Variants in ZNF292 observed in about 807,000 individuals in gnomAD.
ZNF292 encodes 16 zinc-finger domain protein.
ZNF292 carries 26 observed loss-of-function variants against 217.9 expected under a neutral mutation model. The observed-to-expected ratio is 0.12, with a 90% CI of 0.09 to 0.17. The LOEUF (loss-of-function observed/expected upper bound fraction) is 0.17. Among genes scored for constraint, ZNF292 ranks in the 10% least tolerant of loss-of-function variants. The pLI is 1.00. For missense variants in ZNF292, 2,904 were observed against 3,175.2 expected, an observed-to-expected ratio of 0.91 and a Z score of 2.05; for synonymous variants, 1,257 against 1,124.1, an observed-to-expected ratio of 1.12 and a Z score of -2.37.
At chr6:87,192,250 T>C (rs557221145) in intron 1 of ZNF292, among the ~76,000 whole-genome samples, 16 of 152,320 alleles carry the variant, frequency 1.1e-4, no homozygotes, top group African/African-American at 3.1e-4. Flanking sequence ...GAAATTTTGC[T>C]GTATGTAAGA....
At chr6:87,184,671 T>C (rs1771584663) in intron 1 of ZNF292, among the ~76,000 whole-genome samples, 1 of 152,156 alleles carries the variant, frequency 6.6e-6, no homozygotes, top group Non-Finnish European at 1.5e-5. Flanking sequence ...TTCTGGTGGC[T>C]GAGGAGTTCC....
intron 1 of ZNF292, among the ~76,000 whole-genome samples, chr6:87,209,720 ATATCT>A (rs1397060125): frequency 2.6e-5 from 4 of 152,220 alleles, no homozygotes; most frequent in African/African-American, 7.2e-5. Flanking sequence ...TTTATTAAAA[ATATCT>A]TATTTATGGT....
intron 4 of ZNF292, among the ~76,000 whole-genome samples, chr6:87,232,535 T>C (rs1773706608): frequency 6.6e-6 from 1 of 152,048 alleles, no homozygotes; most frequent in Non-Finnish European, 1.5e-5. Context: ...AAACTTAAAC[T>C]TGTTAAAACT....
chr6:87,211,619 A>C (rs557301855), intron 1 of ZNF292, among the ~76,000 whole-genome samples: 190 of 152,332 alleles, frequency 1.2e-3, no homozygotes, highest in African/African-American at 4.3e-3. Context: ...TAGGTAGTAC[A>C]TGTAAAGCTC....
intron 1 of ZNF292, 74 bp from the exon 2 acceptor site, chr6:87,215,829 G>T: frequency 2.4e-6 from 3 of 1,246,876 alleles, no homozygotes; most frequent in South Asian, 1.8e-5. Context: ...AATTTTTCAG[G>T]AAAAAACAGC....
Position 87,203,483 on chromosome 6 carries a change from C to T in ZNF292, c.169-12420C>T, listed in dbSNP as rs922957269. ...AATTATCCTCACGTTTCTAGGATAACACCTACTAGGCCCAAAATACATTTA... is the reference window on the plus strand; with the variant it reads ...AATTATCCTCACGTTTCTAGGATAATACCTACTAGGCCCAAAATACATTTA... On this transcript the variant is annotated intron_variant, in intron 1 of 7. Transcript: ENST00000369577. 1.1e-4 allele frequency among the ~76,000 whole-genome samples: 17 copies of T among 152,092 alleles called. 1 individual carries two copies. The highest frequency in any genetic ancestry group is 4.2e-4 in the South Asian group (2 of 4,816).
At chr6:87,174,086 C>A in intron 1 of ZNF292, 1 of 195,978 alleles carries the variant, frequency 5.1e-6, no homozygotes. Context: ...CTAAAAGGCT[C>A]TCAGAATAGT....
At position 87,256,965 on chromosome 6, in the gene ZNF292, A is replaced by G. The variant is rs1247209449; in HGVS notation, c.3336A>G (p.Ser1112=). 1.1e-5 allele frequency: 17 copies of G among 1,613,776 alleles called. No individual in the cohort carries two copies. Among genetic ancestry groups the G allele is most frequent in the Non-Finnish European group, 1.4e-5 (17 of 1,179,832 alleles). Residue 1112 remains serine, a synonymous_variant, in exon 8 of 8, where the codon TCA becomes TCG. Coordinates refer to ENST00000369577, the MANE Select transcript of ZNF292 (RefSeq NM_015021.3). ...GATGTACTCGAACCTATAATTCTTC[A>G]CAGAGTATTGGGAAACACATGAAGA... ...VEGCTRTYNS[S]QSIGKHMKTA...
At chr6:87,201,283 A>G (rs116992405) in intron 1 of ZNF292, among the ~76,000 whole-genome samples, 243 of 152,202 alleles carry the variant, frequency 1.6e-3, no homozygotes, top group Non-Finnish European at 3.0e-3. Flanking sequence ...TTTTAATTCT[A>G]TTGTATCTGC....
At chr6:87,181,770 C>T (rs1197599476) in intron 1 of ZNF292, among the ~76,000 whole-genome samples, 1 of 152,116 alleles carries the variant, frequency 6.6e-6, no homozygotes, top group African/African-American at 2.4e-5. Context: ...CAACCTCCGC[C>T]TCCTGGGTTC....
intron 1 of ZNF292, among the ~76,000 whole-genome samples, chr6:87,179,228 C>A (rs1250321965): frequency 7.4e-6 from 1 of 135,264 alleles, no homozygotes; most frequent in African/African-American, 2.8e-5. Context: ...GGCTTGATCT[C>A]AGCTCACTGC....
intron 1 of ZNF292, among the ~76,000 whole-genome samples, chr6:87,215,368 T>C (rs1447578948): frequency 6.6e-6 from 1 of 152,214 alleles, no homozygotes. Context: ...TTTTTATATG[T>C]TGAAAGTCTT....
chr6:87,230,503 G>A lies in ZNF292; in HGVS notation c.539-2822G>A, dbSNP rs537012194. ...AATCCCAGCACTTTGGGAGGCTGAG[G>A]TGGGCGGATCACGAGGTCAGGATAT... On this transcript the variant is annotated intron_variant, in intron 4 of 7. Transcript: ENST00000369577. Among the ~76,000 whole-genome samples, 277 of 152,292 alleles carry A rather than the reference G, an allele frequency of 1.8e-3. 2 individuals are homozygous for A. Among genetic ancestry groups the A allele is most frequent in the African/African-American group, 6.5e-3 (269 of 41,556 alleles).
At chr6:87,222,605 A>G (rs751511659) in intron 4 of ZNF292, among the ~76,000 whole-genome samples, 1 of 152,204 alleles carries the variant, frequency 6.6e-6, no homozygotes, top group Non-Finnish European at 1.5e-5. Flanking sequence ...AAAATTGTGA[A>G]GAGTTTCCAT....
intron 1 of ZNF292, among the ~76,000 whole-genome samples, chr6:87,198,645 T>C (rs992450689): frequency 1.3e-5 from 2 of 152,250 alleles, no homozygotes; most frequent in Non-Finnish European, 2.9e-5. Context: ...GGGGAAGTTA[T>C]TCTCTGTGAA....
At chr6:87,251,205 G>T (rs1185306470) in intron 7 of ZNF292, among the ~76,000 whole-genome samples, 2 of 152,184 alleles carry the variant, frequency 1.3e-5, no homozygotes, top group African/African-American at 4.8e-5. Flanking sequence ...AACAGATGAG[G>T]CAGTGGTCAG....
Position 87,155,690 on chromosome 6 carries a change from G to T in ZNF292, c.99G>T (p.Glu33Asp). 1.3e-6 allele frequency: 2 copies of T among 1,590,826 alleles called. No homozygotes were observed. The highest frequency in any genetic ancestry group is 1.7e-6 in the Non-Finnish European group (2 of 1,170,568). ...TGGGCGAGCGGCTCCAGGAGCTGGA[G>T]CTACAGCTGCGGGAGAGCCGGGTAC... ...QRLGERLQELELQLRESRVPA... is the reference protein window; with the variant it reads ...QRLGERLQELDLQLRESRVPA... Residue 33 changes from glutamate (E) to aspartate (D), a missense_variant, in exon 1 of 8, where the codon GAG becomes GAT. Physicochemically the swap from Glu to Asp is conservative, Grantham distance 45. Transcript: ENST00000369577.
At position 87,194,142 on chromosome 6, in the gene ZNF292, A is replaced by G. The variant is rs572069175; in HGVS notation, c.169-21761A>G. On this transcript the variant is annotated intron_variant, in intron 1 of 7. Coordinates refer to ENST00000369577, the MANE Select transcript of ZNF292 (RefSeq NM_015021.3). Reference sequence around the variant, plus strand: ...TCGTATGTCTAGAAAAGGCACAGCTATCAGAATGAATTTAGAACTTCTAAG... The same window carrying G: ...TCGTATGTCTAGAAAAGGCACAGCTGTCAGAATGAATTTAGAACTTCTAAG... Among the ~76,000 whole-genome samples, 15 of 152,322 alleles carry G rather than the reference A, an allele frequency of 9.8e-5. No homozygotes were observed. The South Asian group carries it at 2.7e-3, about 27-fold the overall frequency.
At chr6:87,167,711 T>C (rs1345735829) in intron 1 of ZNF292, among the ~76,000 whole-genome samples, 1 of 152,258 alleles carries the variant, frequency 6.6e-6, no homozygotes, top group Non-Finnish European at 1.5e-5. Flanking sequence ...TTAGTTTTCC[T>C]GTAATACTTT....
Sources: allele counts gnomAD v4.1 joint callset (sites outside exome capture counted in the v4.1 genomes callset), GRCh38; gene constraint gnomAD v4.1.1; transcripts MANE v1.5; gene names NCBI Gene and HGNC (gene_info 2026-07-23, HGNC 2026-07-21).